Variants in EFHC2 observed in about 807,000 individuals in gnomAD.
The protein encoded by EFHC2 is EF-hand domain containing 2, also known as EF-hand domain-containing family member C2.
In EFHC2, 18 loss-of-function variants were observed where a neutral mutation model predicts 52.7. That is an observed-to-expected ratio of 0.34 (90% CI 0.24 to 0.51). The LOEUF (loss-of-function observed/expected upper bound fraction) is 0.51, where lower values mean the gene tolerates loss of function less well. Ranked by LOEUF, EFHC2 falls within the 20% of genes least tolerant of loss-of-function variation. The probability of loss-of-function intolerance (pLI) is 0.97; values close to 1 mark genes in which losing one functional copy is unlikely to be tolerated. For missense variants in EFHC2, 513 were observed against 562.5 expected (o/e 0.91, Z 0.89); for synonymous variants, 203 against 204.1 (o/e 0.99, Z 0.04).
chrX:44,177,617 C>T (rs886709611), intron 12 of EFHC2, among the ~76,000 whole-genome samples: 6 of 112,049 alleles, frequency 5.4e-5, no homozygotes, highest in African/African-American at 1.9e-4. Context: ...AAGCTCAACA[C>T]GCACACAATC....
intron 2 of EFHC2, among the ~76,000 whole-genome samples, chrX:44,302,310 T>C (rs2037874527): frequency 8.9e-6 from 1 of 112,177 alleles, no homozygotes; most frequent in African/African-American, 3.2e-5. Flanking sequence ...ATAAAAAGTT[T>C]TGGCCTGAGG....
chrX:44,291,367 T>C (rs1254706359), intron 2 of EFHC2, among the ~76,000 whole-genome samples: 1 of 112,090 alleles, frequency 8.9e-6, no homozygotes, highest in Non-Finnish European at 1.9e-5. Context: ...GTTGCATAAA[T>C]GAATAACAAA....
rs1405941920 is a variant in EFHC2 at position 44,147,971 on chromosome X, A to G, written c.*824T>C. On this transcript the variant is annotated 3_prime_UTR_variant, in exon 15 of 15. Coordinates refer to ENST00000420999, the MANE Select transcript of EFHC2 (RefSeq NM_025184.4). ...AAATAGAACTAGAAAAATGCAGGGG[A>G]AAAATGTTGTAGTTTCTGAATATTT... 2 of 110,955 alleles carry G rather than the reference A, an allele frequency of 1.8e-5. No homozygotes were observed. Among genetic ancestry groups the G allele is most frequent in the East Asian group, 2.8e-4 (1 of 3,555 alleles). 9.1% of individuals were successfully genotyped at this position (110,955 alleles called of 1,213,427 possible).
chrX:44,334,511 T>G (rs2147399072), intron 1 of EFHC2, among the ~76,000 whole-genome samples: 1 of 112,535 alleles, frequency 8.9e-6, no homozygotes, highest in African/African-American at 3.2e-5. Context: ...GTTGCACTCT[T>G]GTTGCCCAGG....
In EFHC2 at chrX:44,312,712, G is replaced by T; in HGVS notation, c.87C>A (p.Cys29Ter). ...KFHKSQHWGF[C>*]NNVMMLVSDE... ...CACTCACCAACATCATAACATTGTT[G>T]CAAAAGCCCCAATGTTGGGATTTGT... The change falls in exon 2 of 15, where the codon TGC (cysteine) becomes TGA (stop). Residue 29 changes from cysteine (C) to a stop codon, truncating the protein, a stop_gained. Coordinates refer to ENST00000420999, the MANE Select transcript of EFHC2 (RefSeq NM_025184.4). LOFTEE classifies it high-confidence loss of function. 8.3e-7 allele frequency: 1 copy of T among 1,206,844 alleles called. No individual in the cohort carries two copies. Among genetic ancestry groups the T allele is most frequent in the Non-Finnish European group, 1.1e-6 (1 of 893,562 alleles).
Position 44,279,848 on chromosome X carries a change from C to T in EFHC2, c.232-7012G>A, listed in dbSNP as rs140505376. Among the ~76,000 whole-genome samples, 948 of 110,595 alleles carry T rather than the reference C, an allele frequency of 8.6e-3. 15 individuals are homozygous for T. The highest frequency in any genetic ancestry group is 0.03 in the African/African-American group (902 of 30,333). ...CCAGGATACCAAAAATGATGGAAAG[C>T]TACAAAGGTGAATTCCTATGCCTAA... On this transcript the variant is annotated intron_variant, in intron 2 of 14. Transcript: ENST00000420999.
intron 2 of EFHC2, among the ~76,000 whole-genome samples, chrX:44,303,870 T>C (rs2037885498): frequency 9.0e-6 from 1 of 111,651 alleles, no homozygotes; most frequent in East Asian, 2.8e-4. Flanking sequence ...AGAAATAATA[T>C]TTTCAAATGT....
chrX:44,259,171 G>C (rs1249705000), intron 4 of EFHC2, among the ~76,000 whole-genome samples: 1 of 112,118 alleles, frequency 8.9e-6, no homozygotes, highest in African/African-American at 3.2e-5. Context: ...TGATAGACTG[G>C]ATAAAGAAAA....
At chrX:44,266,367 T>C (rs1401765533) in intron 3 of EFHC2, among the ~76,000 whole-genome samples, 2 of 110,319 alleles carry the variant, frequency 1.8e-5, no homozygotes, top group Admixed American at 9.7e-5. Context: ...ATTTTTTTAA[T>C]TTTTTTTCAC....
Position 44,148,767 on chromosome X carries a change from C to A in EFHC2, c.*28G>T. 2 of 1,106,180 alleles carry A rather than the reference C, an allele frequency of 1.8e-6. No individual in the cohort carries two copies. Among genetic ancestry groups the A allele is most frequent in the African/African-American group, 1.8e-5 (1 of 54,555 alleles). 91.2% of individuals were successfully genotyped at this position (1,106,180 alleles called of 1,213,427 possible). A position where few individuals can be genotyped will look rare whatever the true frequency, so the allele number is the denominator to read the frequency against. Reference sequence around the variant, plus strand: ...ATGTGGCAAAATGAGAGAAGTAAATCATAGAGAATTGACCAAAACTGGCAT... The same window carrying A: ...ATGTGGCAAAATGAGAGAAGTAAATAATAGAGAATTGACCAAAACTGGCAT... On this transcript the variant is annotated 3_prime_UTR_variant, in exon 15 of 15. Transcript: ENST00000420999.
intron 14 of EFHC2, among the ~76,000 whole-genome samples, chrX:44,157,631 T>C (rs190679962): frequency 9.1e-6 from 1 of 110,246 alleles, no homozygotes; most frequent in East Asian, 2.9e-4. Context: ...GTGGCTACAC[T>C]ACTCTACCTG....
Position 44,212,773 on chromosome X carries a change from G to A in EFHC2, c.1751+16876C>T, listed in dbSNP as rs181757247. Among the ~76,000 whole-genome samples the A allele has an allele frequency of 1.2e-3, 137 of 110,506 alleles. 2 individuals are homozygous for A. The highest frequency in any genetic ancestry group is 6.3e-3 in the East Asian group (22 of 3,516). On this transcript the variant is annotated intron_variant, in intron 11 of 14. Transcript: ENST00000420999. ...ATCACCCAGGCTGGAGTGCAGTGGC[G>A]CGACCTAGGCTCACTACAACCTCTG...
intron 11 of EFHC2, among the ~76,000 whole-genome samples, chrX:44,219,734 G>T (rs73628321): frequency 0.065 from 7,203 of 111,586 alleles, 580 homozygotes; most frequent in African/African-American, 0.22. Context: ...TGTAATTGCA[G>T]AAACATAAAA....
chrX:44,329,999 A>G (rs1412671537), intron 1 of EFHC2, among the ~76,000 whole-genome samples: 2 of 104,921 alleles, frequency 1.9e-5, no homozygotes, highest in African/African-American at 7.0e-5. Context: ...CTGTAATCTT[A>G]GCACTGTGGG....
At chrX:44,261,412 A>G in intron 3 of EFHC2, 114 bp from the exon 4 acceptor site, 1 of 632,065 alleles carries the variant, frequency 1.6e-6, no homozygotes, top group Non-Finnish European at 2.3e-6. Context: ...TGGGCAAAGG[A>G]CTCGTTCTAG....
At chrX:44,215,137 C>G (rs777343846) in intron 11 of EFHC2, among the ~76,000 whole-genome samples, 58 of 111,456 alleles carry the variant, frequency 5.2e-4, no homozygotes, top group Admixed American at 7.6e-4. Flanking sequence ...AAGGTTCTTG[C>G]TTCCCGTTCA....
intron 2 of EFHC2, chrX:44,309,703 T>C (rs2037931705): frequency 2.0e-6 from 2 of 1,025,622 alleles, no homozygotes; most frequent in South Asian, 1.9e-5. Context: ...AATAAGTTCA[T>C]TGGAAAACGT....
intron 4 of EFHC2, 60 bp from the exon 5 acceptor site, chrX:44,250,505 T>C: frequency 5.5e-6 from 6 of 1,099,721 alleles, no homozygotes; most frequent in Non-Finnish European, 7.2e-6. Flanking sequence ...TTCTAAGATA[T>C]ACACAATCAA....
intron 11 of EFHC2, among the ~76,000 whole-genome samples, chrX:44,224,972 C>T (rs2037220439): frequency 9.0e-6 from 1 of 111,583 alleles, no homozygotes; most frequent in African/African-American, 3.3e-5. Context: ...TGGGAAGCCC[C>T]ACCCTGCCTA....
Sources: gnomAD v4.1 joint callset for allele counts (sites outside exome capture counted in the v4.1 genomes callset) on GRCh38, gnomAD v4.1.1 for gene constraint, MANE v1.5 for transcripts, NCBI Gene and HGNC (gene_info 2026-07-23, HGNC 2026-07-21) for gene names.